ZNF124: variants seen among roughly 807,000 people sequenced by gnomAD.
The protein encoded by ZNF124 is zinc finger protein HZF-16.
Under a neutral mutation model 26.6 loss-of-function variants are expected in ZNF124, and 25 were observed. The observed-to-expected ratio is 0.94, with a 90% confidence interval of 0.68 to 1.31. The LOEUF is 1.31. Among genes scored for constraint, ZNF124 ranks in the 40% most tolerant of loss-of-function variants. The pLI, the probability that ZNF124 is intolerant of heterozygous loss-of-function variation, is 0.00. For synonymous variants in ZNF124, 129 were observed against 133.3 expected (o/e 0.97, Z 0.22); for missense variants, 444 against 422.2 (o/e 1.05, Z -0.45).
chr1:247,162,940 T>C (rs1288830979), intron 1 of ZNF124, among the ~76,000 whole-genome samples: 1 of 152,122 alleles, frequency 6.6e-6, no homozygotes, highest in Non-Finnish European at 1.5e-5. Context: ...ATGGACCTAA[T>C]GGACACCTAC....
chr1:247,133,171 A>C (rs903708500), intron 3 of ZNF124, among the ~76,000 whole-genome samples: 3 of 152,182 alleles, frequency 2.0e-5, no homozygotes, highest in Non-Finnish European at 4.4e-5. Context: ...AGACCACCTT[A>C]CTGAAATAAG....
Position 247,141,575 on chromosome 1 carries a change from C to T in ZNF124, c.218+17431G>A, listed in dbSNP as rs191923314. Among the ~76,000 whole-genome samples the T allele has an allele frequency of 2.8e-4, 43 of 152,242 alleles. 1 individual carries two copies. In the East Asian group the frequency reaches 7.9e-3, roughly 28 times the overall value. ...CAGACCAAAGGCAGCAGGGATAGAACTATTACTGTGGCAATGGCAGAGGGG... is the reference window on the plus strand; with the variant it reads ...CAGACCAAAGGCAGCAGGGATAGAATTATTACTGTGGCAATGGCAGAGGGG... On this transcript the variant is annotated intron_variant, in intron 3 of 3. Transcript: ENST00000472531.
At chr1:247,159,564 G>T (rs1481934480) in intron 2 of ZNF124, 123 bp downstream of exon 2, 25 of 940,198 alleles carry the variant, frequency 2.7e-5, no homozygotes, top group Non-Finnish European at 3.7e-5. Context: ...TTGCACACTG[G>T]GTCCATGCCT....
intron 3 of ZNF124, among the ~76,000 whole-genome samples, chr1:247,136,683 A>G (rs937680720): frequency 1.4e-4 from 22 of 152,206 alleles, no homozygotes; most frequent in African/African-American, 5.3e-4. Context: ...ACAGTGGCTC[A>G]TGCTTGTAAT....
At position 247,168,787 on chromosome 1, in the gene ZNF124, T is replaced by C. The variant is rs925568959; in HGVS notation, c.30+3061A>G. Among the ~76,000 whole-genome samples the C allele has an allele frequency of 6.6e-6, 1 of 152,028 alleles. No homozygotes were observed. The highest frequency in any genetic ancestry group is 1.9e-4 in the East Asian group (1 of 5,166). On this transcript the variant is annotated intron_variant, in intron 1 of 3. Transcript: ENST00000543802. This position sits in a 1 kb window ranked among gnomAD's most constrained non-coding sequence, Gnocchi z 4.0. ...ACCAAATATTCTATGTTCTCACTTATAAGTGGGAGCTAAGCTATGAGGTTA... is the reference window on the plus strand; with the variant it reads ...ACCAAATATTCTATGTTCTCACTTACAAGTGGGAGCTAAGCTATGAGGTTA...
chr1:247,163,709 A>T (rs554477522), intron 1 of ZNF124, among the ~76,000 whole-genome samples: 5 of 152,302 alleles, frequency 3.3e-5, no homozygotes, highest in African/African-American at 1.2e-4. Context: ...CAGATGTATT[A>T]AGAAGAGCTG....
Position 247,159,832 on chromosome 1 carries a change from T to C in ZNF124, c.31-19A>G. ...CCGAGTTCTAAAATATTCCACATTT[T>C]TGTAGAGGATGGATGAGACTGAAAG... On this transcript the variant is annotated intron_variant, in intron 1 of 3. Transcript: ENST00000543802. 1 of 1,606,194 alleles carries C rather than the reference T, an allele frequency of 6.2e-7. No homozygotes were observed. The highest frequency in any genetic ancestry group is 1.1e-5 in the South Asian group (1 of 89,666).
chr1:247,132,580 A>G (rs915730730), intron 3 of ZNF124, among the ~76,000 whole-genome samples: 1 of 152,310 alleles, frequency 6.6e-6, no homozygotes. Context: ...CACCCCTCAT[A>G]TTGTCTTATG....
intron 3 of ZNF124, among the ~76,000 whole-genome samples, chr1:247,130,137 T>C (rs964440146): frequency 2.0e-5 from 3 of 152,226 alleles, no homozygotes; most frequent in Non-Finnish European, 4.4e-5. Context: ...TTTTCGCTGA[T>C]TGAAAAATAC....
At chr1:247,159,094 C>A in intron 2 of ZNF124, 28 bp from the exon 3 acceptor site, 2 of 1,593,552 alleles carry the variant, frequency 1.3e-6, no homozygotes, top group Non-Finnish European at 1.7e-6. Flanking sequence ...AAATATATTA[C>A]AAATTATTTG....
At chr1:247,140,376 C>G (rs1672597069) in intron 3 of ZNF124, among the ~76,000 whole-genome samples, 1 of 152,104 alleles carries the variant, frequency 6.6e-6, no homozygotes, top group South Asian at 2.1e-4. Flanking sequence ...TCTTTCAGCT[C>G]CAGTGATTCT....
chr1:247,148,408 T>G (rs1312444367), intron 3 of ZNF124, among the ~76,000 whole-genome samples: 1 of 152,240 alleles, frequency 6.6e-6, no homozygotes, highest in African/African-American at 2.4e-5. Flanking sequence ...GTCAAAAATG[T>G]GAACATTCGT....
At chr1:247,165,283 C>T (rs1435797524) in intron 1 of ZNF124, among the ~76,000 whole-genome samples, 1 of 152,076 alleles carries the variant, frequency 6.6e-6, no homozygotes, top group Non-Finnish European at 1.5e-5. Context: ...TGATTTTTGA[C>T]AAAATCAACA....
At chr1:247,142,916 A>T (rs914203799) in intron 3 of ZNF124, among the ~76,000 whole-genome samples, 2 of 151,402 alleles carry the variant, frequency 1.3e-5, no homozygotes, top group African/African-American at 4.9e-5. Context: ...TAAATTATTT[A>T]ATTTTTATGT....
intron 3 of ZNF124, among the ~76,000 whole-genome samples, chr1:247,125,856 T>C (rs975778966): frequency 1.3e-5 from 2 of 152,364 alleles, no homozygotes; most frequent in Admixed American, 6.5e-5. Flanking sequence ...CTGGATCTCA[T>C]ATTAATTAGT....
chr1:247,147,201 A>C (rs1672806958), intron 3 of ZNF124, among the ~76,000 whole-genome samples: 2 of 150,466 alleles, frequency 1.3e-5, no homozygotes. Context: ...CTGTAAACTC[A>C]AGGATTTCTG....
intron 3 of ZNF124, among the ~76,000 whole-genome samples, chr1:247,125,167 G>T (rs4925715): frequency 0.3 from 45,845 of 151,906 alleles, 7,194 homozygotes; most frequent in Middle Eastern, 0.39. Flanking sequence ...ATCCTCTGAC[G>T]GACACTGGAG....
rs1049038919 is a variant in ZNF124 at position 247,155,652 on chromosome 1, G to A, written c.*914C>T. ...TGAAGCGGGCGGATCACGAGGTCAG[G>A]AGATTGAGACCATCCTGGCTAACAC... On this transcript the variant is annotated 3_prime_UTR_variant, in exon 4 of 4. Transcript: ENST00000543802. Among the ~76,000 whole-genome samples, 1 of 151,990 alleles carries A rather than the reference G, an allele frequency of 6.6e-6. No individual in the cohort carries two copies. The highest frequency in any genetic ancestry group is 1.5e-5 in the Non-Finnish European group (1 of 67,992).
At chr1:247,164,018 TAAAC>T (rs535287810) in intron 1 of ZNF124, among the ~76,000 whole-genome samples, 59 of 151,986 alleles carry the variant, frequency 3.9e-4, no homozygotes, top group Non-Finnish European at 5.7e-4. Context: ...ATTCACAACA[TAAAC>T]AAAACTAAAA....
Sources: allele counts gnomAD v4.1 joint callset (sites outside exome capture counted in the v4.1 genomes callset), GRCh38; gene constraint gnomAD v4.1.1; non-coding constraint Gnocchi (gnomAD v3.1); transcripts MANE v1.5; gene names NCBI Gene and HGNC (gene_info 2026-07-23, HGNC 2026-07-21).